Variants in MBTPS1 observed in about 807,000 individuals in gnomAD.
MBTPS1 encodes membrane-bound transcription factor site-1 protease.
In MBTPS1, 94 loss-of-function variants were observed where a neutral mutation model predicts 127.8. The ratio of observed to expected loss-of-function variants is 0.74; its 90% CI spans 0.62 to 0.87. The LOEUF is 0.87. Ranked by LOEUF, MBTPS1 falls within the 40% of genes least tolerant of loss-of-function variation. The pLI is 0.00. For synonymous variants in MBTPS1, 632 were observed against 509.4 expected, an observed-to-expected ratio of 1.24 and a Z score of -3.24; for missense variants, 1,636 against 1,353.2, an observed-to-expected ratio of 1.21 and a Z score of -3.28.
At position 84,056,071 on chromosome 16, in the gene MBTPS1, G is replaced by A. The variant is rs1223135985; in HGVS notation, c.2896C>T (p.Arg966Ter). ...DLDKVVLPNF[R>*]SNRPQVRPLS... Reference sequence around the variant, plus strand: ...GGCCTCACTTGAGGGCGATTCGATCGAAAGTTGGGTAACACCACCTTGTCC... The same window carrying A: ...GGCCTCACTTGAGGGCGATTCGATCAAAAGTTGGGTAACACCACCTTGTCC... Residue 966 changes from arginine to a stop codon, truncating the protein, a stop_gained, in exon 22 of 23, where the codon CGA becomes TGA. Transcript: ENST00000343411. LOFTEE classifies it high-confidence loss of function. The A allele has an allele frequency of 1.2e-6, 2 of 1,614,114 alleles. No homozygotes were observed. Among genetic ancestry groups the A allele is most frequent in the Non-Finnish European group, 1.7e-6 (2 of 1,179,966 alleles).
chr16:84,090,228 GA>G (rs1344210480), intron 8 of MBTPS1, among the ~76,000 whole-genome samples: 88 of 152,332 alleles, frequency 5.8e-4, no homozygotes, highest in African/African-American at 2.0e-3. Context: ...GCTGCTGGTG[GA>G]AAGAAAACTG....
intron 14 of MBTPS1, among the ~76,000 whole-genome samples, chr16:84,069,449 A>T (rs901978282): frequency 6.6e-6 from 1 of 152,174 alleles, no homozygotes; most frequent in Admixed American, 6.5e-5. Context: ...AGGTTGCCAG[A>T]AGAGGAGTGG....
intron 15 of MBTPS1, 51 bp downstream of exon 15, chr16:84,068,288 C>T: frequency 3.3e-6 from 4 of 1,222,664 alleles, no homozygotes; most frequent in Non-Finnish European, 4.8e-6. Flanking sequence ...ATTTAACAAA[C>T]ATCCAAAGTG....
At chr16:84,073,551 T>C (rs2085804340) in intron 12 of MBTPS1, among the ~76,000 whole-genome samples, 1 of 152,146 alleles carries the variant, frequency 6.6e-6, no homozygotes, top group Non-Finnish European at 1.5e-5. Context: ...AAAAGAATAT[T>C]TAAAAAACAG....
intron 1 of MBTPS1, among the ~76,000 whole-genome samples, chr16:84,115,633 C>G (rs11860904): frequency 0.072 from 10,965 of 152,132 alleles, 450 homozygotes; most frequent in Middle Eastern, 0.11. Flanking sequence ...CACAAAAGGC[C>G]GCATATCATA....
In MBTPS1 at chr16:84,069,984, T is replaced by C; in HGVS notation, c.1837A>G (p.Ile613Val). ...TTGCTTCGCGGGGGAGTAGGAATTA[T>C]CTTCACCTTAATGGGGAGCTTTACT... ...STVKLPIKVKIIPTPPRSKRV... is the reference protein window; with the variant it reads ...STVKLPIKVKVIPTPPRSKRV... Residue 613 changes from isoleucine (I) to valine (V), a missense_variant, in exon 14 of 23, where the codon ATA becomes GTA. Physicochemically the swap from Ile to Val is conservative, Grantham distance 29. Transcript: ENST00000343411. 1.2e-6 allele frequency: 2 copies of C among 1,614,136 alleles called. No homozygotes were observed. Among genetic ancestry groups the C allele is most frequent in the Non-Finnish European group, 1.7e-6 (2 of 1,180,010 alleles).
chr16:84,100,485 G>T lies in MBTPS1; in HGVS notation c.163+1136C>A, dbSNP rs374106087. On this transcript the variant is annotated intron_variant, in intron 2 of 22. Transcript: ENST00000343411. ...CTTGAACCTGGGAGGTGGAGGTTGC[G>T]GTGAGCTGAGATGGTGCCATTGCAC... Among the ~76,000 whole-genome samples the T allele has an allele frequency of 8.4e-4, 128 of 152,098 alleles. 1 individual carries two copies. Among genetic ancestry groups the T allele is most frequent in the African/African-American group, 3.0e-3 (126 of 41,482 alleles).
Position 84,060,545 on chromosome 16 carries a change from C to G in MBTPS1, c.2704+137G>C, listed in dbSNP as rs1237313613. 3 of 956,320 alleles carry G rather than the reference C, an allele frequency of 3.1e-6. No individual in the cohort carries two copies. The African/African-American group carries it at 4.9e-5, about 15-fold the overall frequency. The allele number at this position is 956,320 out of a possible 1,614,324, so 59.2% of individuals were successfully genotyped here. A position where few individuals can be genotyped will look rare whatever the true frequency, so the allele number is the denominator to read the frequency against. On this transcript the variant is annotated intron_variant, in intron 20 of 22. Transcript: ENST00000343411. ...TTAGAGCCGCTGAGTGCTGCTCTAC[C>G]CGCAGCCATTACGAAAACCACTCAG...
intron 4 of MBTPS1, 69 bp from the exon 5 acceptor site, chr16:84,093,890 A>T: frequency 9.0e-7 from 1 of 1,114,224 alleles, no homozygotes; most frequent in Non-Finnish European, 1.4e-6. Flanking sequence ...TGCCTATAAA[A>T]TACATTCCTT....
rs2086112811 is a variant in MBTPS1 at position 84,091,804 on chromosome 16, A to C, written c.891T>G (p.Ile297Met). 6.2e-7 allele frequency: 1 copy of C among 1,614,076 alleles called. No individual in the cohort carries two copies. Among genetic ancestry groups the C allele is most frequent in the African/African-American group, 1.3e-5 (1 of 74,942 alleles). The part of the protein sequence containing the change: ...SWFLDAFNYA[I>M]LKKIDVLNLS... ...GGTTTAACACGTCGATCTTCTTTAA[A>C]ATGGCATAGTTGAAGGCGTCCAAAA... Residue 297 changes from isoleucine (I) to methionine (M), a missense_variant, in exon 7 of 23, where the codon ATT becomes ATG. Physicochemically the swap from Ile to Met is conservative, Grantham distance 10. Transcript: ENST00000343411.
chr16:84,087,482 AAAAAAAG>A, intron 8 of MBTPS1, 22 bp from the exon 9 acceptor site: 1 of 1,423,356 alleles, frequency 7.0e-7, no homozygotes, highest in Non-Finnish European at 9.6e-7. Flanking sequence ...CCAAAAAAAA[AAAAAAAG>A]AAAAGAAAAA....
In MBTPS1 at chr16:84,060,991, G is replaced by A; in HGVS notation, c.2573-178C>T. The A allele has an allele frequency of 7.8e-6, 4 of 513,794 alleles. No homozygotes were observed. The South Asian group carries it at 1.1e-4, about 14-fold the overall frequency. The allele number at this position is 513,794 out of a possible 1,614,324, so 31.8% of individuals were successfully genotyped here. On this transcript the variant is annotated intron_variant, in intron 19 of 22. Coordinates refer to ENST00000343411, the MANE Select transcript of MBTPS1 (RefSeq NM_003791.4). The stretch of plus-strand genomic sequence containing the variant: ...TGAGACTGAAGGCACATGACAGCAT[G>A]CCCGGCTAATTTTTTATTTTTTGCA...
intron 1 of MBTPS1, among the ~76,000 whole-genome samples, chr16:84,104,766 G>A (rs974328975): frequency 3.9e-5 from 6 of 152,044 alleles, no homozygotes; most frequent in African/African-American, 1.2e-4. Context: ...AGGATTTGGC[G>A]GTTTTCAAAT....
intron 1 of MBTPS1, among the ~76,000 whole-genome samples, chr16:84,112,772 C>G (rs2151176167): frequency 6.6e-6 from 1 of 151,592 alleles, no homozygotes; most frequent in East Asian, 1.9e-4. Flanking sequence ...GTCAGGAGTT[C>G]AAGACCAGCC....
chr16:84,082,394 G>A (rs1479763216), intron 10 of MBTPS1, among the ~76,000 whole-genome samples: 1 of 152,138 alleles, frequency 6.6e-6, no homozygotes, highest in African/African-American at 2.4e-5. Flanking sequence ...TTGCCTTTTT[G>A]TTTCCAGATT....
chr16:84,059,714 CACT>C, intron 20 of MBTPS1: 1 of 221,844 alleles, frequency 4.5e-6, no homozygotes, highest in Non-Finnish European at 8.9e-6. Context: ...TGCTGACCAC[CACT>C]GACACACGCA....
At chr16:84,081,631 GA>G in intron 11 of MBTPS1, 115 bp downstream of exon 11, 1 of 838,980 alleles carries the variant, frequency 1.2e-6, no homozygotes, top group Non-Finnish European at 1.7e-6. Context: ...AGCACCCCGA[GA>G]ATTCTGTGCT....
chr16:84,084,454 A>G lies in MBTPS1; in HGVS notation c.1286+529T>C, dbSNP rs958917267. Among the ~76,000 whole-genome samples the G allele has an allele frequency of 2.6e-5, 4 of 152,246 alleles. No individual in the cohort carries two copies. The South Asian group carries it at 8.3e-4, about 31-fold the overall frequency. ...AAAACAACAAATGGGTAACACTGTG[A>G]GAAGATGGATGTGTTCATTCGTTTC... On this transcript the variant is annotated intron_variant, in intron 10 of 22. Coordinates refer to ENST00000343411, the MANE Select transcript of MBTPS1 (RefSeq NM_003791.4).
chr16:84,109,111 C>T (rs1274637505), intron 1 of MBTPS1, among the ~76,000 whole-genome samples: 1 of 152,218 alleles, frequency 6.6e-6, no homozygotes, highest in Non-Finnish European at 1.5e-5. Context: ...AAATATCACT[C>T]TCCACTAAAA....
Sources: gnomAD v4.1 joint callset for allele counts (sites outside exome capture counted in the v4.1 genomes callset) on GRCh38, gnomAD v4.1.1 for gene constraint, MANE v1.5 for transcripts, NCBI Gene and HGNC (gene_info 2026-07-23, HGNC 2026-07-21) for gene names.